The following RGCC variants were observed in gnomAD, a reference collection of about 807,000 sequenced individuals.
The protein encoded by RGCC is regulator of cell cycle, also known as regulator of cell cycle RGCC.
In RGCC, 15 loss-of-function variants were observed where a neutral mutation model predicts 15.4. The ratio of observed to expected loss-of-function variants is 0.97; its 90% CI spans 0.65 to 1.50. The LOEUF (loss-of-function observed/expected upper bound fraction) is 1.50. Ranked by LOEUF, RGCC falls within the 40% of genes most tolerant of loss-of-function variation. The pLI, the probability that RGCC is intolerant of heterozygous loss-of-function variation, is 0.00. For synonymous variants in RGCC, 81 were observed against 78.0 expected, an observed-to-expected ratio of 1.04 and a Z score of -0.20; for missense variants, 176 against 189.7, an observed-to-expected ratio of 0.93 and a Z score of 0.42.
chr13:41,466,750 AATAGACT>A (rs2043851247), intron 2 of RGCC, 66 bp from the exon 3 acceptor site: 3 of 1,046,838 alleles, frequency 2.9e-6, no homozygotes, highest in South Asian at 1.3e-5. Context: ...GTTGGTTATC[AATAGACT>A]ATAAAGTGCT....
At chr13:41,469,203 G>C (rs2043862559) in intron 4 of RGCC, among the ~76,000 whole-genome samples, 2 of 151,910 alleles carry the variant, frequency 1.3e-5, no homozygotes, top group South Asian at 4.2e-4. Flanking sequence ...AGAGGTTGCA[G>C]TGAGCCGAGA....
chr13:41,464,373 G>T (rs1237944056), intron 2 of RGCC, among the ~76,000 whole-genome samples: 3 of 152,154 alleles, frequency 2.0e-5, no homozygotes, highest in South Asian at 4.1e-4. Flanking sequence ...CAACAGTAAG[G>T]CTTCCTTGCA....
rs1309160338 is a variant in RGCC, at chr13:41,466,912, A to G, written c.325A>G (p.Thr109Ala). 1.9e-6 allele frequency: 3 copies of G among 1,612,980 alleles called. No homozygotes were observed. The highest frequency in any genetic ancestry group is 2.5e-6 in the Non-Finnish European group (3 of 1,179,086). ...TDSTPALLSA[T>A]VTPQKAKLGD... ...CTCTACCCCAGCTCTTCTCTCTGCCACTGTCACTCCTCAGAAAGGTAAGGT... is the reference window on the plus strand; with the variant it reads ...CTCTACCCCAGCTCTTCTCTCTGCCGCTGTCACTCCTCAGAAAGGTAAGGT... The change falls in exon 3 of 5, where the codon ACT (threonine) becomes GCT (alanine). Residue 109 changes from threonine (T) to alanine (A), a missense_variant. Coordinates refer to ENST00000379359, the MANE Select transcript of RGCC (RefSeq NM_014059.3).
chr13:41,462,290 AC>A (rs758868674), intron 2 of RGCC, among the ~76,000 whole-genome samples: 23 of 151,182 alleles, frequency 1.5e-4, no homozygotes, highest in African/African-American at 3.9e-4. Flanking sequence ...CTTTCTCCCA[AC>A]CCCCCTAGCT....
chr13:41,468,551 C>T (rs1390081871), intron 3 of RGCC, among the ~76,000 whole-genome samples: 1 of 152,216 alleles, frequency 6.6e-6, no homozygotes, highest in Non-Finnish European at 1.5e-5. Flanking sequence ...GAATCAGTTT[C>T]TGAGTTTACT....
In RGCC at chr13:41,458,241, GC is replaced by G. The variant is rs747883314; in HGVS notation, c.50-38del. 20 of 1,486,970 alleles carry G rather than the reference GC, an allele frequency of 1.3e-5. No individual in the cohort carries two copies. In the East Asian group the frequency reaches 2.5e-4, roughly 18 times the overall value. The allele number at this position is 1,486,970 out of a possible 1,614,324, so 92.1% of individuals were successfully genotyped here. ...CCTGGCCCTGGGAGGTGGTCCCGCT[GC>G]CCCCCTGACTTCCGTGCACTGAGCC... is the stretch of plus-strand genomic sequence containing the variant. On this transcript the variant is annotated intron_variant, in intron 1 of 4. Transcript: ENST00000379359. This position sits in a 1 kb window ranked among gnomAD's most constrained non-coding sequence, Gnocchi z 4.4.
rs1286657634 is a variant in RGCC at position 41,457,680 on chromosome 13, C to T, written c.-28C>T. 6.7e-6 allele frequency: 10 copies of T among 1,495,830 alleles called. No individual in the cohort carries two copies. The highest frequency in any genetic ancestry group is 8.0e-6 in the Non-Finnish European group (9 of 1,124,040). 92.7% of individuals were successfully genotyped at this position (1,495,830 alleles called of 1,614,324 possible). A position where few individuals can be genotyped will look rare whatever the true frequency, so the allele number is the denominator to read the frequency against. The stretch of plus-strand genomic sequence containing the variant: ...TGCCACCTCGCAGGACCCAAGGCCA[C>T]GCGCGCCGGGCCCAGCTGAGCCGCC... On this transcript the variant is annotated 5_prime_UTR_variant, in exon 1 of 5. The change creates a new upstream start codon in the 5' untranslated region. Transcript: ENST00000379359. This position sits in a 1 kb window ranked among gnomAD's most constrained non-coding sequence, Gnocchi z 4.9.
In RGCC at chr13:41,462,528, C is replaced by T. The variant is rs1342697484; in HGVS notation, c.235+4058C>T. On this transcript the variant is annotated intron_variant, in intron 2 of 4. Transcript: ENST00000379359. ...ATGGTGCTTTAGAGCTGATTGAAGCCGATATTGTAAGGCCCTCAAATATCC... is the reference window on the plus strand; with the variant it reads ...ATGGTGCTTTAGAGCTGATTGAAGCTGATATTGTAAGGCCCTCAAATATCC... Among the ~76,000 whole-genome samples the T allele has an allele frequency of 5.9e-5, 9 of 152,042 alleles. No individual in the cohort carries two copies. In the South Asian group the frequency reaches 6.2e-4, roughly 11 times the overall value.
intron 4 of RGCC, 122 bp from the exon 5 acceptor site, chr13:41,470,356 A>G (rs372271440): frequency 1.0e-6 from 1 of 966,578 alleles, no homozygotes; most frequent in Non-Finnish European, 1.7e-6. Flanking sequence ...TCAGACACTC[A>G]TCGTGTGGGA....
Position 41,457,638 on chromosome 13 carries a change from C to T in RGCC, c.-70C>T. On this transcript the variant is annotated 5_prime_UTR_variant, in exon 1 of 5. Coordinates refer to ENST00000379359, the MANE Select transcript of RGCC (RefSeq NM_014059.3). The surrounding 1 kb of genome is among the most constrained non-coding windows in gnomAD (Gnocchi z 4.9). ...GGCTGAAGTGTGCGGGACAGCAAGC[C>T]CCCGAATAGCCCCGGCTGCCACCTC... is the stretch of plus-strand genomic sequence containing the variant. 1.3e-6 allele frequency: 2 copies of T among 1,499,056 alleles called. No homozygotes were observed. Among genetic ancestry groups the T allele is most frequent in the Non-Finnish European group, 1.8e-6 (2 of 1,125,962 alleles). The allele number at this position is 1,499,056 out of a possible 1,614,324, so 92.9% of individuals were successfully genotyped here. A position where few individuals can be genotyped will look rare whatever the true frequency, so the allele number is the denominator to read the frequency against.
intron 2 of RGCC, among the ~76,000 whole-genome samples, chr13:41,464,642 A>C (rs1479134128): frequency 1.3e-5 from 2 of 152,214 alleles, no homozygotes; most frequent in Admixed American, 6.5e-5. Flanking sequence ...GGAAGTGGGC[A>C]TACCCATGGG....
intron 2 of RGCC, among the ~76,000 whole-genome samples, chr13:41,460,823 C>T (rs561304507): frequency 3.5e-4 from 53 of 152,296 alleles, no homozygotes; most frequent in African/African-American, 1.1e-3. Flanking sequence ...GCCAGTGTCT[C>T]GCATGAAAAT....
intron 2 of RGCC, among the ~76,000 whole-genome samples, chr13:41,464,907 G>A (rs978554074): frequency 3.9e-5 from 6 of 152,092 alleles, no homozygotes; most frequent in African/African-American, 1.4e-4. Flanking sequence ...TGGACAAGAT[G>A]GCGGTGTCAG....
intron 4 of RGCC, 76 bp downstream of exon 4, chr13:41,468,914 A>G (rs2043860948): frequency 2.6e-6 from 3 of 1,148,488 alleles, no homozygotes; most frequent in Admixed American, 3.9e-5. Context: ...TGTAATGTTA[A>G]CCAGCTTGCC....
At position 41,469,301 on chromosome 13, in the gene RGCC, G is replaced by C. The variant is rs56251196; in HGVS notation, c.406+463G>C. ...ATAATAATAATAATAATAATAAGAA[G>C]AAGAAGAAGAAGAAGAAGAAGAAGA... On this transcript the variant is annotated intron_variant, in intron 4 of 4. Transcript: ENST00000379359. 4.5e-5 allele frequency among the ~76,000 whole-genome samples: 3 copies of C among 66,532 alleles called. No homozygotes were observed. In the South Asian group the frequency reaches 1.8e-3, roughly 40 times the overall value. The allele number at this position is 66,532 out of a possible 152,430, so 43.6% of individuals were successfully genotyped here.
Position 41,457,692 on chromosome 13 carries a change from C to T in RGCC, c.-16C>T. On this transcript the variant is annotated 5_prime_UTR_variant, in exon 1 of 5. Transcript: ENST00000379359. This position sits in a 1 kb window ranked among gnomAD's most constrained non-coding sequence, Gnocchi z 4.9. ...GGACCCAAGGCCACGCGCGCCGGGCCCAGCTGAGCCGCCTCATGAAGCCGC... is the reference window on the plus strand; with the variant it reads ...GGACCCAAGGCCACGCGCGCCGGGCTCAGCTGAGCCGCCTCATGAAGCCGC... 1.3e-6 allele frequency: 2 copies of T among 1,488,628 alleles called. No homozygotes were observed. The highest frequency in any genetic ancestry group is 8.9e-7 in the Non-Finnish European group (1 of 1,120,796). 92.2% of individuals were successfully genotyped at this position (1,488,628 alleles called of 1,614,324 possible).
At position 41,458,296 on chromosome 13, in the gene RGCC, G is replaced by T. The variant is rs1437858328; in HGVS notation, c.61G>T (p.Asp21Tyr). Residue 21 changes from aspartate to tyrosine, a missense_variant, in exon 2 of 5, where the codon GAC becomes TAC. Coordinates refer to ENST00000379359, the MANE Select transcript of RGCC (RefSeq NM_014059.3). The surrounding 1 kb of genome is among the most constrained non-coding windows in gnomAD (Gnocchi z 4.4). ...AAAAAAAPALDSAAAEDLSDA... is the reference protein window; with the variant it reads ...AAAAAAAPALYSAAAEDLSDA... ...GGCCCTGCCCGCAGCCCCGGCCCTG[G>T]ACTCGGCGGCCGCGGAGGACCTGTC... The T allele has an allele frequency of 6.3e-7, 1 of 1,576,074 alleles. No homozygotes were observed. Among genetic ancestry groups the T allele is most frequent in the Admixed American group, 1.8e-5 (1 of 56,718 alleles).
At chr13:41,466,067 ACACT>A (rs2139576896) in intron 2 of RGCC, among the ~76,000 whole-genome samples, 1 of 151,892 alleles carries the variant, frequency 6.6e-6, no homozygotes, top group Non-Finnish European at 1.5e-5. Flanking sequence ...TGACACACAC[ACACT>A]CTCTCACTTC....
intron 4 of RGCC, among the ~76,000 whole-genome samples, chr13:41,469,321 A>AGAG (rs2043864978): frequency 6.6e-6 from 1 of 151,164 alleles, no homozygotes; most frequent in African/African-American, 2.4e-5. Flanking sequence ...AAGAAGAAGA[A>AGAG]GAAGAAGAAG....
Sources: gnomAD v4.1 joint callset for allele counts (sites outside exome capture counted in the v4.1 genomes callset) on GRCh38, gnomAD v4.1.1 for gene constraint, Gnocchi (gnomAD v3.1) non-coding constraint, MANE v1.5 for transcripts, NCBI Gene and HGNC (gene_info 2026-07-23, HGNC 2026-07-21) for gene names.